The following FKRP variants were observed in gnomAD, a reference collection of about 807,000 sequenced individuals.
FKRP encodes the protein ribitol 5-phosphate transferase FKRP.
FKRP carries 25 observed loss-of-function variants against 30.6 expected under a neutral mutation model. The observed-to-expected ratio is 0.82, with a 90% CI of 0.60 to 1.14. The LOEUF (loss-of-function observed/expected upper bound fraction) is 1.14. FKRP is among the 50% of genes most tolerant of loss of function. The pLI, the probability that FKRP is intolerant of heterozygous loss-of-function variation, is 0.00. For missense variants in FKRP, 771 were observed against 727.8 expected, an observed-to-expected ratio of 1.06 and a Z score of -0.68; for synonymous variants, 358 against 342.5, an observed-to-expected ratio of 1.05 and a Z score of -0.50.
At chr19:46,751,555 ATTTTTTTTTT>A (rs1226341140) in intron 3 of FKRP, among the ~76,000 whole-genome samples, 1 of 87,936 alleles carries the variant, frequency 1.1e-5, no homozygotes, top group Admixed American at 1.2e-4. Flanking sequence ...ACTTTTTTGT[ATTTTTTTTTT>A]TTTTTTTTTT....
Position 46,756,258 on chromosome 19 carries a change from C to G in FKRP, c.808C>G (p.Arg270Gly). ...EGRARRAALLRALGIRLVSWE... is the reference protein window; with the variant it reads ...EGRARRAALLGALGIRLVSWE... ...ACGCGCTCGGCGGGCGGCGCTGCTC[C>G]GCGCGCTGGGCATCCGCCTAGTGAG... Residue 270 changes from arginine (R) to glycine (G), a missense_variant, in exon 4 of 4, where the codon CGC becomes GGC. By Grantham distance (125) the Arg-to-Gly change is moderately radical. Coordinates refer to ENST00000318584, the MANE Select transcript of FKRP (RefSeq NM_024301.5). This position sits in a 1 kb window ranked among gnomAD's most constrained non-coding sequence, Gnocchi z 6.6. The G allele has an allele frequency of 2.7e-6, 4 of 1,488,360 alleles. No individual in the cohort carries two copies. The highest frequency in any genetic ancestry group is 2.6e-5 in the South Asian group (2 of 77,028). The allele number at this position is 1,488,360 out of a possible 1,614,324, so 92.2% of individuals were successfully genotyped here. A position where few individuals can be genotyped will look rare whatever the true frequency, so the allele number is the denominator to read the frequency against.
intron 1 of FKRP, 72 bp downstream of exon 1, chr19:46,746,162 C>T (rs1408086764): frequency 2.0e-6 from 3 of 1,528,126 alleles, no homozygotes; most frequent in African/African-American, 2.9e-5. Context: ...TAACTCGGCG[C>T]GCTCGGCCTC....
rs1201804052 is a variant in FKRP, at chr19:46,755,878, G to C, written c.428G>C (p.Arg143Pro). The change falls in exon 4 of 4, where the codon CGC (arginine) becomes CCC (proline). Residue 143 changes from arginine to proline, a missense_variant. By Grantham distance (103) the Arg-to-Pro change is moderately radical. Transcript: ENST00000318584. ...GCTGAGGCACCTGGCCTGCTGGAGCGCATGGTGGAGGCGCTCCGCGCAGGA... is the reference window on the plus strand; with the variant it reads ...GCTGAGGCACCTGGCCTGCTGGAGCCCATGGTGGAGGCGCTCCGCGCAGGA... ...ARAEAPGLLE[R>P]MVEALRAGSA... 1.3e-6 allele frequency: 2 copies of C among 1,495,870 alleles called. No individual in the cohort carries two copies. The highest frequency in any genetic ancestry group is 4.4e-5 in the Admixed American group (2 of 45,484). The allele number at this position is 1,495,870 out of a possible 1,614,324, so 92.7% of individuals were successfully genotyped here. A position where few individuals can be genotyped will look rare whatever the true frequency, so the allele number is the denominator to read the frequency against.
rs1270459605 is a variant in FKRP, at chr19:46,756,821, C to G, written c.1371C>G (p.Phe457Leu). 6.3e-7 allele frequency: 1 copy of G among 1,599,232 alleles called. No homozygotes were observed. ...TGGTGCCCCTGCCCTTTGCCGGCTT[C>G]GTGGCGCAGGCGCCTAACAACTACC... is the stretch of plus-strand genomic sequence containing the variant. ...QPLVPLPFAG[F>L]VAQAPNNYRR... is the part of the protein sequence containing the mutation. Residue 457 changes from phenylalanine (F) to leucine (L), a missense_variant, in exon 4 of 4, where the codon TTC (phenylalanine) becomes TTG (leucine). By Grantham distance (22) the Phe-to-Leu change is conservative. Transcript: ENST00000318584. This position sits in a 1 kb window ranked among gnomAD's most constrained non-coding sequence, Gnocchi z 6.6.
In FKRP at chr19:46,748,676, T is replaced by A. The variant is rs574538567; in HGVS notation, c.-40+11T>A. 6.6e-6 allele frequency: 1 copy of A among 151,490 alleles called. No homozygotes were observed. Among genetic ancestry groups the A allele is most frequent in the African/African-American group, 2.4e-5 (1 of 41,568 alleles). 9.4% of individuals were successfully genotyped at this position (151,490 alleles called of 1,614,324 possible). A position where few individuals can be genotyped will look rare whatever the true frequency, so the allele number is the denominator to read the frequency against. On this transcript the variant is annotated intron_variant, in intron 3 of 3. Coordinates refer to ENST00000318584, the MANE Select transcript of FKRP (RefSeq NM_024301.5). ...ACTACCATTTCTAAGGCAAGCCCCC[T>A]GTTTCTACTCTTGCGCCCCCTGCTG...
intron 3 of FKRP, among the ~76,000 whole-genome samples, chr19:46,751,367 A>G (rs1302316469): frequency 1.3e-5 from 2 of 150,742 alleles, no homozygotes; most frequent in Non-Finnish European, 3.0e-5. Context: ...CCTGGCCAAG[A>G]TGCATTTTTT....
At position 46,756,832 on chromosome 19, in the gene FKRP, C is replaced by G. The variant is rs774161137; in HGVS notation, c.1382C>G (p.Ala461Gly). 1.3e-6 allele frequency: 2 copies of G among 1,599,574 alleles called. No individual in the cohort carries two copies. Among genetic ancestry groups the G allele is most frequent in the Non-Finnish European group, 8.5e-7 (1 of 1,173,550 alleles). The change falls in exon 4 of 4, where the codon GCG becomes GGG. Residue 461 changes from alanine to glycine, a missense_variant. Physicochemically the swap from Ala to Gly is moderately conservative, Grantham distance 60. Coordinates refer to ENST00000318584, the MANE Select transcript of FKRP (RefSeq NM_024301.5). The surrounding 1 kb of genome is among the most constrained non-coding windows in gnomAD (Gnocchi z 6.6). ...CCCTTTGCCGGCTTCGTGGCGCAGGCGCCTAACAACTACCGCCGCTTCCTG... is the reference window on the plus strand; with the variant it reads ...CCCTTTGCCGGCTTCGTGGCGCAGGGGCCTAACAACTACCGCCGCTTCCTG... ...PLPFAGFVAQ[A>G]PNNYRRFLEL... is the part of the protein sequence containing the mutation.
rs1060502109 is a variant in FKRP at position 46,756,533 on chromosome 19, C to G, written c.1083C>G (p.Tyr361Ter). ...ARHGDIIPWD[Y>*]DVDLGIYLED... ...ACGGGGACATCATCCCATGGGACTA[C>G]GACGTGGACCTGGGCATCTACTTGG... Residue 361 changes from tyrosine to a stop codon, truncating the protein, a stop_gained, in exon 4 of 4, where the codon TAC becomes TAG. Coordinates refer to ENST00000318584, the MANE Select transcript of FKRP (RefSeq NM_024301.5). LOFTEE classifies it high-confidence loss of function. The surrounding 1 kb of genome is among the most constrained non-coding windows in gnomAD (Gnocchi z 6.6). The G allele has an allele frequency of 6.2e-7, 1 of 1,600,268 alleles. No individual in the cohort carries two copies.
chr19:46,747,695 C>G (rs764570284), intron 1 of FKRP: 6 of 152,200 alleles, frequency 3.9e-5, no homozygotes, highest in Admixed American at 2.6e-4. Flanking sequence ...TGAGCCATCA[C>G]GCCCGGCCAG....
Position 46,756,487 on chromosome 19 carries a change from C to T in FKRP, c.1037C>T (p.Ser346Leu). The T allele has an allele frequency of 2.6e-6, 4 of 1,548,734 alleles. No homozygotes were observed. Among genetic ancestry groups the T allele is most frequent in the Non-Finnish European group, 3.5e-6 (4 of 1,148,842 alleles). Residue 346 changes from serine to leucine, a missense_variant, in exon 4 of 4, where the codon TCA becomes TTA. Ser to Leu is a moderately radical substitution (Grantham distance 145, BLOSUM62 -2). Coordinates refer to ENST00000318584, the MANE Select transcript of FKRP (RefSeq NM_024301.5). The surrounding 1 kb of genome is among the most constrained non-coding windows in gnomAD (Gnocchi z 6.6). ...AGVRYWLEGGSLLGAARHGDI... is the reference protein window; with the variant it reads ...AGVRYWLEGGLLLGAARHGDI... ...GTGCGCTACTGGCTCGAGGGCGGCTCACTGCTGGGGGCCGCCCGCCACGGG... is the reference window on the plus strand; with the variant it reads ...GTGCGCTACTGGCTCGAGGGCGGCTTACTGCTGGGGGCCGCCCGCCACGGG...
At position 46,756,102 on chromosome 19, in the gene FKRP, G is replaced by A; in HGVS notation, c.652G>A (p.Val218Met). ...CCTCTCGGCGCCCCTGGCCCGGCCG[G>A]TGGGCACCAGCCTCTTTCTGCAGAC... ...FNLSAPLARPVGTSLFLQTAL... is the reference protein window; with the variant it reads ...FNLSAPLARPMGTSLFLQTAL... Residue 218 changes from valine (V) to methionine (M), a missense_variant, in exon 4 of 4, where the codon GTG becomes ATG. Coordinates refer to ENST00000318584, the MANE Select transcript of FKRP (RefSeq NM_024301.5). The surrounding 1 kb of genome is among the most constrained non-coding windows in gnomAD (Gnocchi z 6.6). The A allele has an allele frequency of 6.5e-7, 1 of 1,533,010 alleles. No individual in the cohort carries two copies. Among genetic ancestry groups the A allele is most frequent in the Non-Finnish European group, 8.7e-7 (1 of 1,149,524 alleles). The allele number at this position is 1,533,010 out of a possible 1,614,324, so 95.0% of individuals were successfully genotyped here. A position where few individuals can be genotyped will look rare whatever the true frequency, so the allele number is the denominator to read the frequency against.
chr19:46,753,177 T>C (rs1599928531), intron 3 of FKRP, among the ~76,000 whole-genome samples: 1 of 143,316 alleles, frequency 7.0e-6, no homozygotes, highest in East Asian at 2.2e-4. Flanking sequence ...AAAAAAAAAT[T>C]GTTTTTGGCT....
At chr19:46,748,381 G>A (rs2054714283) in intron 2 of FKRP, 134 bp from the exon 3 acceptor site, 1 of 152,002 alleles carries the variant, frequency 6.6e-6, no homozygotes, top group African/African-American at 2.4e-5. Context: ...GTTTCACCTT[G>A]TTGGCAGGCT....
rs777792222 is a variant in FKRP at position 46,756,405 on chromosome 19, C to G, written c.955C>G (p.Leu319Val). The part of the protein sequence containing the change: ...YEERWTPPCC[L>V]RALRETARYV... ...GGAGCGCTGGACGCCCCCCTGCTGCCTGCGCGCGCTGCGCGAGACCGCCCG... is the reference window on the plus strand; with the variant it reads ...GGAGCGCTGGACGCCCCCCTGCTGCGTGCGCGCGCTGCGCGAGACCGCCCG... Residue 319 changes from leucine to valine, a missense_variant, in exon 4 of 4, where the codon CTG becomes GTG. By Grantham distance (32) the Leu-to-Val change is conservative. Coordinates refer to ENST00000318584, the MANE Select transcript of FKRP (RefSeq NM_024301.5). The surrounding 1 kb of genome is among the most constrained non-coding windows in gnomAD (Gnocchi z 6.6). The G allele has an allele frequency of 1.9e-6, 3 of 1,570,482 alleles. No individual in the cohort carries two copies.
Position 46,756,414 on chromosome 19 carries a change from C to G in FKRP, c.964C>G (p.Leu322Val), listed in dbSNP as rs794727653. The change falls in exon 4 of 4, where the codon CTG becomes GTG. Residue 322 changes from leucine (L) to valine (V), a missense_variant. Leu to Val is a conservative substitution (Grantham distance 32, BLOSUM62 1). Coordinates refer to ENST00000318584, the MANE Select transcript of FKRP (RefSeq NM_024301.5). The surrounding 1 kb of genome is among the most constrained non-coding windows in gnomAD (Gnocchi z 6.6). Reference sequence around the variant, plus strand: ...GACGCCCCCCTGCTGCCTGCGCGCGCTGCGCGAGACCGCCCGCTATGTGGT... The same window carrying G: ...GACGCCCCCCTGCTGCCTGCGCGCGGTGCGCGAGACCGCCCGCTATGTGGT... Reference protein sequence around the residue: ...RWTPPCCLRALRETARYVVGV... With the variant: ...RWTPPCCLRAVRETARYVVGV... The G allele has an allele frequency of 6.3e-7, 1 of 1,575,714 alleles. No individual in the cohort carries two copies.
chr19:46,756,020 C>T lies in FKRP; in HGVS notation c.570C>T (p.Arg190=). The T allele has an allele frequency of 6.4e-7, 1 of 1,574,346 alleles. No individual in the cohort carries two copies. Among genetic ancestry groups the T allele is most frequent in the Non-Finnish European group, 8.6e-7 (1 of 1,168,976 alleles). The stretch of plus-strand genomic sequence containing the variant: ...ATGGCGCAGCCCCCGCCGCGCCCCG[C>T]TGCGACGCCCTGGACGGAGATGCTG... ...ARYGAAPAAP[R]CDALDGDAVV... Residue 190 remains arginine (R), a synonymous_variant, in exon 4 of 4, where the codon CGC becomes CGT. Transcript: ENST00000318584. This position sits in a 1 kb window ranked among gnomAD's most constrained non-coding sequence, Gnocchi z 6.6.
At chr19:46,746,038 C>CCA (rs1568409985), upstream of FKRP, 1 of 1,189,348 alleles carries the variant, frequency 8.4e-7, no homozygotes, top group African/African-American at 1.7e-5. Flanking sequence ...CCCGCCCCCC[C>CCA]GCCGGCCGTC....
intron 1 of FKRP, chr19:46,746,362 G>T: frequency 8.6e-7 from 1 of 1,168,332 alleles, no homozygotes; most frequent in South Asian, 4.2e-5. Context: ...CAGGGCCCGC[G>T]CCTGAGCCGA....
At chr19:46,749,970 A>G (rs568343259) in intron 3 of FKRP, among the ~76,000 whole-genome samples, 1 of 152,158 alleles carries the variant, frequency 6.6e-6, no homozygotes, top group African/African-American at 2.4e-5. Context: ...CCCCAGCCTC[A>G]TCCTCCCAAA....
Sources: gnomAD v4.1 joint callset for allele counts (sites outside exome capture counted in the v4.1 genomes callset) on GRCh38, gnomAD v4.1.1 for gene constraint, Gnocchi (gnomAD v3.1) non-coding constraint, MANE v1.5 for transcripts, NCBI Gene and HGNC (gene_info 2026-07-23, HGNC 2026-07-21) for gene names.